The following PROZ variants were observed in gnomAD, a reference collection of about 807,000 sequenced individuals.
The protein encoded by PROZ is vitamin K-dependent protein Z.
In PROZ, 46 loss-of-function variants were observed where a neutral mutation model predicts 34.9. The observed-to-expected ratio is 1.32, with a 90% CI of 1.04 to 1.69. The LOEUF is 1.69. Among genes scored for constraint, PROZ ranks in the 40% most tolerant of loss-of-function variants. The pLI is 0.00. For missense variants in PROZ, 530 were observed against 520.4 expected (o/e 1.02, Z -0.18); for synonymous variants, 195 against 208.5 (o/e 0.94, Z 0.56).
intron 6 of PROZ, among the ~76,000 whole-genome samples, chr13:113,167,359 C>T (rs1484745901): frequency 2.6e-5 from 4 of 152,194 alleles, no homozygotes; most frequent in East Asian, 1.9e-4. Flanking sequence ...GTTCCAGGAA[C>T]GACGCCACGG....
intron 3 of PROZ, among the ~76,000 whole-genome samples, chr13:113,161,279 C>T (rs1164472437): frequency 1.3e-5 from 2 of 152,244 alleles, no homozygotes; most frequent in African/African-American, 4.8e-5. Flanking sequence ...CCTCCAGCCG[C>T]CTGGCTCCTG....
In PROZ at chr13:113,172,267, G is replaced by A. The variant is rs2037131134; in HGVS notation, c.*162G>A. On this transcript the variant is annotated 3_prime_UTR_variant, in exon 8 of 8. Transcript: ENST00000375547. ...CAGCAGCAGAGCCGCCGTTTGCTGG[G>A]TTGTTTACCGAGCACTGTGACCTTT... The A allele has an allele frequency of 2.1e-6, 2 of 946,194 alleles. No homozygotes were observed. Among genetic ancestry groups the A allele is most frequent in the African/African-American group, 3.3e-5 (2 of 61,412 alleles). 58.6% of individuals were successfully genotyped at this position (946,194 alleles called of 1,614,324 possible).
chr13:113,169,397 T>C (rs2037042515), intron 6 of PROZ, among the ~76,000 whole-genome samples: 1 of 152,266 alleles, frequency 6.6e-6, no homozygotes, highest in African/African-American at 2.4e-5. Flanking sequence ...TGTCTACTAA[T>C]ATCTGTCAGT....
At chr13:113,170,979 G>T (rs2037094299) in intron 7 of PROZ, among the ~76,000 whole-genome samples, 1 of 151,760 alleles carries the variant, frequency 6.6e-6, no homozygotes, top group South Asian at 2.1e-4. Flanking sequence ...CTGGAGTGCA[G>T]TGGCATGATC....
intron 4 of PROZ, among the ~76,000 whole-genome samples, chr13:113,164,100 C>T (rs2036840513): frequency 6.6e-6 from 1 of 152,010 alleles, no homozygotes; most frequent in South Asian, 2.1e-4. Flanking sequence ...CTGCCTCAGC[C>T]TCCCGAGTAA....
chr13:113,160,735 T>A (rs1006072384), intron 2 of PROZ, among the ~76,000 whole-genome samples: 1 of 152,054 alleles, frequency 6.6e-6, no homozygotes, highest in Non-Finnish European at 1.5e-5. Context: ...GGTAAGCACA[T>A]GTTGAGTAAT....
In PROZ at chr13:113,171,734, C is replaced by T; in HGVS notation, c.832C>T (p.Leu278Phe). ...GCCCATCCAGTGCCCAGGTGCGGGG[C>T]TCCCCGTGTGCACCCCTGAGAAAGA... ...EWPIQCPGAG[L>F]PVCTPEKDFA... is the part of the protein sequence containing the mutation. Residue 278 changes from leucine (L) to phenylalanine (F), a missense_variant, in exon 8 of 8, where the codon CTC (leucine) becomes TTC (phenylalanine). Transcript: ENST00000375547. The surrounding 1 kb of genome is among the most constrained non-coding windows in gnomAD (Gnocchi z 5.1). 6.2e-7 allele frequency: 1 copy of T among 1,612,190 alleles called. No individual in the cohort carries two copies. Among genetic ancestry groups the T allele is most frequent in the Non-Finnish European group, 8.5e-7 (1 of 1,178,740 alleles).
chr13:113,171,952 CTGGA>C lies in PROZ; in HGVS notation c.1059_1062del (p.Asp353GlufsTer23). ...AGAGAAGCAGCGTGGCGGCCATGCA[CTGGA>C]TGGATGGAAGTGTGGTCACCAGAGA... On this transcript the variant is annotated frameshift_variant, in exon 8 of 8. Transcript: ENST00000375547. LOFTEE classifies it low-confidence loss of function (END_TRUNC). The surrounding 1 kb of genome is among the most constrained non-coding windows in gnomAD (Gnocchi z 5.1). 6.2e-7 allele frequency: 1 copy of C among 1,613,646 alleles called. No homozygotes were observed. The highest frequency in any genetic ancestry group is 1.7e-5 in the Admixed American group (1 of 60,014).
rs57038702 is a variant in PROZ, at chr13:113,164,503, T to TCC, written c.374-9_374-8dup. ...AAGCTAGCATTTCCTTTTTTTTTTT[T>TCC]CCTTTTCAGCTAAAAATGAATGTCA... is the stretch of plus-strand genomic sequence containing the variant. On this transcript the variant is annotated splice_polypyrimidine_tract_variant and intron_variant, in intron 4 of 7. Coordinates refer to ENST00000375547, the MANE Select transcript of PROZ (RefSeq NM_003891.3). 3.5e-6 allele frequency: 5 copies of TCC among 1,448,158 alleles called. No individual in the cohort carries two copies. In the South Asian group the frequency reaches 5.8e-5, roughly 17 times the overall value. 89.7% of individuals were successfully genotyped at this position (1,448,158 alleles called of 1,614,324 possible).
intron 4 of PROZ, among the ~76,000 whole-genome samples, chr13:113,164,179 C>T (rs1480392421): frequency 2.0e-5 from 3 of 152,132 alleles, no homozygotes; most frequent in South Asian, 2.1e-4. Flanking sequence ...GGGGTTTCAC[C>T]ATGTTGGCCA....
At position 113,158,665 on chromosome 13, in the gene PROZ, C is replaced by T; in HGVS notation, c.5C>T (p.Ala2Val). ...GTCCCAGCGCTCCGGGTGGGAATGG[C>T]AGGCTGCGTCCCACTGCTCCAGGGC... Reference protein sequence around the residue: MAGCVPLLQGLV... With the variant: MVGCVPLLQGLV... Residue 2 changes from alanine (A) to valine (V), a missense_variant, in exon 1 of 8, where the codon GCA (alanine) becomes GTA (valine). Physicochemically the swap from Ala to Val is moderately conservative, Grantham distance 64 (BLOSUM62 0). Coordinates refer to ENST00000375547, the MANE Select transcript of PROZ (RefSeq NM_003891.3). The surrounding 1 kb of genome is among the most constrained non-coding windows in gnomAD (Gnocchi z 4.3). 6.2e-7 allele frequency: 1 copy of T among 1,602,796 alleles called. No individual in the cohort carries two copies. The highest frequency in any genetic ancestry group is 1.1e-5 in the South Asian group (1 of 88,988).
At chr13:113,169,360 C>T (rs1025673460) in intron 6 of PROZ, among the ~76,000 whole-genome samples, 2 of 152,234 alleles carry the variant, frequency 1.3e-5, no homozygotes, top group African/African-American at 4.8e-5. Context: ...ATTTGGACTA[C>T]AGTTACAATC....
At chr13:113,168,750 AC>A (rs773557783) in intron 6 of PROZ, among the ~76,000 whole-genome samples, 2 of 152,014 alleles carry the variant, frequency 1.3e-5, no homozygotes, top group Non-Finnish European at 2.9e-5. Context: ...TTTTTTTGAG[AC>A]CGGGTCTCGC....
At chr13:113,166,661 C>T (rs1170896003) in intron 6 of PROZ, among the ~76,000 whole-genome samples, 1 of 152,212 alleles carries the variant, frequency 6.6e-6, no homozygotes, top group Non-Finnish European at 1.5e-5. Flanking sequence ...GGTCTATCAC[C>T]AGCTTTGCAA....
chr13:113,160,843 T>G lies in PROZ; in HGVS notation c.235-105T>G. The G allele has an allele frequency of 3.0e-6, 3 of 998,590 alleles. No individual in the cohort carries two copies. The South Asian group carries it at 4.0e-5, about 13-fold the overall frequency. The allele number at this position is 998,590 out of a possible 1,614,324, so 61.9% of individuals were successfully genotyped here. A position where few individuals can be genotyped will look rare whatever the true frequency, so the allele number is the denominator to read the frequency against. ...ATTGTTTCAACCACTATTGTCCTAT[T>G]AAGTGAATAAAATCAACATTTTCTT... On this transcript the variant is annotated intron_variant, in intron 2 of 7. Coordinates refer to ENST00000375547, the MANE Select transcript of PROZ (RefSeq NM_003891.3).
chr13:113,170,563 A>G (rs375948323), intron 7 of PROZ, 33 bp downstream of exon 7: 2 of 1,290,294 alleles, frequency 1.6e-6, no homozygotes, highest in Non-Finnish European at 2.3e-6. Context: ...TTATAAAACC[A>G]CATTGGAAAT....
In PROZ at chr13:113,171,527, C is replaced by T; in HGVS notation, c.692-67C>T. 1 of 1,604,462 alleles carries T rather than the reference C, an allele frequency of 6.2e-7. No individual in the cohort carries two copies. Among genetic ancestry groups the T allele is most frequent in the Non-Finnish European group, 8.5e-7 (1 of 1,175,258 alleles). ...CCTCCTCACGTGGCTCCCTGAGAAG[C>T]TCGTTTGAGCATTATGTCCCCTTGA... On this transcript the variant is annotated intron_variant, in intron 7 of 7. Transcript: ENST00000375547. The surrounding 1 kb of genome is among the most constrained non-coding windows in gnomAD (Gnocchi z 5.1).
rs753428753 is a variant in PROZ, at chr13:113,164,632, T to G, written c.493T>G (p.Cys165Gly). Residue 165 changes from cysteine (C) to glycine (G), a missense_variant, in exon 5 of 8, where the codon TGT becomes GGT. By Grantham distance (159) the Cys-to-Gly change is radical. Coordinates refer to ENST00000375547, the MANE Select transcript of PROZ (RefSeq NM_003891.3). The part of the protein sequence containing the change: ...GYRLGEDHKQ[C>G]VPHDQCACGV... ...CAGGCTTGGTGAGGACCACAAACAG[T>G]GTGTGCCCCACGGTGAGTGCTCAGA... The G allele has an allele frequency of 6.2e-7, 1 of 1,613,672 alleles. No individual in the cohort carries two copies. Among genetic ancestry groups the G allele is most frequent in the Non-Finnish European group, 8.5e-7 (1 of 1,179,964 alleles).
chr13:113,168,591 C>CAG (rs1158021639), intron 6 of PROZ, among the ~76,000 whole-genome samples: 4 of 152,198 alleles, frequency 2.6e-5, no homozygotes, highest in Non-Finnish European at 5.9e-5. Flanking sequence ...TTAATTTTAA[C>CAG]TTTCTAAGAT....
Sources: allele counts gnomAD v4.1 joint callset (sites outside exome capture counted in the v4.1 genomes callset), GRCh38; gene constraint gnomAD v4.1.1; non-coding constraint Gnocchi (gnomAD v3.1); transcripts MANE v1.5; gene names NCBI Gene and HGNC (gene_info 2026-07-23, HGNC 2026-07-21).